Variants in SLC25A28 observed in about 807,000 individuals in gnomAD.
The protein encoded by SLC25A28 is solute carrier family 25 member 28, also known as mitoferrin-2.
A neutral mutation model predicts 31.9 loss-of-function variants in SLC25A28; 10 were observed. That is an observed-to-expected ratio of 0.31 (90% CI 0.19 to 0.53). SLC25A28 has a LOEUF of 0.53. SLC25A28 is among the 20% of genes least tolerant of loss of function. The probability of loss-of-function intolerance (pLI) is 0.95; values close to 1 mark genes in which losing one functional copy is unlikely to be tolerated. For synonymous variants in SLC25A28, 208 were observed against 203.6 expected (o/e 1.02, Z -0.19); for missense variants, 256 against 490.3 (o/e 0.52, Z 4.51).
intron 1 of SLC25A28, chr10:99,616,819 G>T: frequency 1.1e-6 from 1 of 926,322 alleles, no homozygotes; most frequent in Non-Finnish European, 1.3e-6. Context: ...ACTTCCCTAA[G>T]CCTCCTTTCA....
Position 99,611,367 on chromosome 10 carries a change from C to G in SLC25A28, c.578-1G>C. 1 of 1,612,550 alleles carries G rather than the reference C, an allele frequency of 6.2e-7. No homozygotes were observed. The highest frequency in any genetic ancestry group is 1.7e-4 in the Middle Eastern group (1 of 6,044). On this transcript the variant is annotated splice_acceptor_variant, in intron 3 of 3. Transcript: ENST00000370495. LOFTEE classifies it high-confidence loss of function. This position sits in a 1 kb window ranked among gnomAD's most constrained non-coding sequence, Gnocchi z 5.5. ...TACATCTGCATCCTCTGCTTGACCACTAGTAGTGCCATCAACGAGGAAGGA... is the reference window on the plus strand; with the variant it reads ...TACATCTGCATCCTCTGCTTGACCAGTAGTAGTGCCATCAACGAGGAAGGA...
chr10:99,643,615 A>G, the SLC25A28 span, among the ~76,000 whole-genome samples: 1 of 152,066 alleles, frequency 6.6e-6, no homozygotes, highest in Non-Finnish European at 1.5e-5. Context: ...TAGCTTTTGA[A>G]TGTGTTTGCT....
intron 1 of SLC25A28, 112 bp downstream of exon 1, chr10:99,619,933 G>A: frequency 3.5e-6 from 4 of 1,141,070 alleles, no homozygotes; most frequent in Non-Finnish European, 4.7e-6. Context: ...AGTGGCAGGA[G>A]CCAGGAAGGA....
chr10:99,629,369 C>T, the SLC25A28 span, among the ~76,000 whole-genome samples: 2 of 152,148 alleles, frequency 1.3e-5, no homozygotes, highest in Admixed American at 1.3e-4. Context: ...GCCAAAAAAC[C>T]TCTTTTCTTT....
the SLC25A28 span, among the ~76,000 whole-genome samples, chr10:99,638,003 T>C: frequency 6.6e-6 from 1 of 151,968 alleles, no homozygotes; most frequent in African/African-American, 2.4e-5. Context: ...AGACTAAGCA[T>C]AAAGAACAAA....
At chr10:99,619,338 T>C (rs2034730978) in intron 1 of SLC25A28, 2 of 985,344 alleles carry the variant, frequency 2.0e-6, no homozygotes, top group Non-Finnish European at 2.4e-6. Flanking sequence ...GTTTCATCTC[T>C]CTTGTTTGGA....
chr10:99,612,565 A>G lies in SLC25A28; in HGVS notation c.555T>C (p.Asp185=). Residue 185 remains aspartate, a synonymous_variant, in exon 3 of 4, where the codon GAT becomes GAC. Coordinates refer to ENST00000370495, the MANE Select transcript of SLC25A28 (RefSeq NM_031212.4). ...TACCTTCCGCAGGGTTCATGGCTGC[A>G]TCATGAAGTAATGTTGCCACACACC... ...AAGCVATLLH[D]AAMNPAEVVK... is the part of the protein sequence containing the mutation. 3.7e-6 allele frequency: 6 copies of G among 1,614,240 alleles called. No homozygotes were observed. Among genetic ancestry groups the G allele is most frequent in the Non-Finnish European group, 5.1e-6 (6 of 1,180,048 alleles).
At chr10:99,624,312 C>G (rs1490490408), upstream of SLC25A28, among the ~76,000 whole-genome samples, 2 of 150,816 alleles carry the variant, frequency 1.3e-5, no homozygotes, top group African/African-American at 4.9e-5. Flanking sequence ...CCAAAATGGT[C>G]TTAGAACTCC....
upstream of SLC25A28, chr10:99,621,076 C>T (rs978528621): frequency 1.3e-6 from 1 of 771,476 alleles, no homozygotes; most frequent in Non-Finnish European, 1.6e-6. Flanking sequence ...CCGGTCATCC[C>T]TGGCTGGCGC....
intron 2 of SLC25A28, among the ~76,000 whole-genome samples, chr10:99,612,892 C>G (rs1025524509): frequency 1.3e-5 from 2 of 152,192 alleles, no homozygotes; most frequent in South Asian, 2.1e-4. Context: ...ACACCCCAGA[C>G]AGGAAGCAGA....
At chr10:99,622,423 C>T (rs2034813197), upstream of SLC25A28, among the ~76,000 whole-genome samples, 1 of 152,212 alleles carries the variant, frequency 6.6e-6, no homozygotes, top group South Asian at 2.1e-4. Context: ...ATAGGTCTCA[C>T]AAAAACCCAT....
the SLC25A28 span, chr10:99,651,953 T>C: frequency 6.6e-6 from 1 of 152,178 alleles, no homozygotes; most frequent in Non-Finnish European, 1.5e-5. Context: ...ATCTTGCTTT[T>C]GCTGTTGAAT....
upstream of SLC25A28, among the ~76,000 whole-genome samples, chr10:99,623,279 T>C (rs2034826869): frequency 6.6e-6 from 1 of 152,102 alleles, no homozygotes; most frequent in Non-Finnish European, 1.5e-5. Flanking sequence ...CAACACGAAG[T>C]TGGAAAGATA....
At chr10:99,638,435 T>C in the SLC25A28 span, among the ~76,000 whole-genome samples, 1 of 151,956 alleles carries the variant, frequency 6.6e-6, no homozygotes, top group Non-Finnish European at 1.5e-5. Context: ...CAAAGATAAT[T>C]ACCTGAGACT....
At chr10:99,636,437 C>T in the SLC25A28 span, among the ~76,000 whole-genome samples, 1 of 152,112 alleles carries the variant, frequency 6.6e-6, no homozygotes, top group Non-Finnish European at 1.5e-5. Context: ...ATGACACAAC[C>T]TATCGAAACG....
chr10:99,651,161 C>CTT, the SLC25A28 span, among the ~76,000 whole-genome samples: 2 of 152,204 alleles, frequency 1.3e-5, no homozygotes, highest in Non-Finnish European at 2.9e-5. Flanking sequence ...CTTCCCATCA[C>CTT]TTCTCTGGTG....
chr10:99,628,841 C>A, the SLC25A28 span, among the ~76,000 whole-genome samples: 5 of 152,166 alleles, frequency 3.3e-5, 1 homozygote, highest in Admixed American at 3.3e-4. Flanking sequence ...ACAAAAAAAC[C>A]CACCACAATC....
rs2034531309 is a variant in SLC25A28 at position 99,611,864 on chromosome 10, A to G, written c.578-498T>C. Among the ~76,000 whole-genome samples, 1 of 152,180 alleles carries G rather than the reference A, an allele frequency of 6.6e-6. No homozygotes were observed. The highest frequency in any genetic ancestry group is 2.4e-5 in the African/African-American group (1 of 41,438). On this transcript the variant is annotated intron_variant, in intron 3 of 3. Transcript: ENST00000370495. The surrounding 1 kb of genome is among the most constrained non-coding windows in gnomAD (Gnocchi z 5.5). Reference sequence around the variant, plus strand: ...ACCAAAGAAAAGATTCTTAGCCAAAAAGAGTTGGCTTTAGTCTTCAAACAC... The same window carrying G: ...ACCAAAGAAAAGATTCTTAGCCAAAGAGAGTTGGCTTTAGTCTTCAAACAC...
the SLC25A28 span, among the ~76,000 whole-genome samples, chr10:99,647,972 G>T: frequency 6.6e-6 from 1 of 151,720 alleles, no homozygotes; most frequent in African/African-American, 2.4e-5. Context: ...ATAGGTATGT[G>T]GCTTTATTTC....
Sources: gnomAD v4.1 joint callset for allele counts (sites outside exome capture counted in the v4.1 genomes callset) on GRCh38, gnomAD v4.1.1 for gene constraint, Gnocchi (gnomAD v3.1) non-coding constraint, MANE v1.5 for transcripts, NCBI Gene and HGNC (gene_info 2026-07-23, HGNC 2026-07-21) for gene names.